The following ZRANB3 variants were observed in gnomAD, a reference collection of about 807,000 sequenced individuals.
The protein encoded by ZRANB3 is zinc finger RANBP2-type containing 3, also known as DNA annealing helicase and endonuclease ZRANB3.
ZRANB3 carries 125 observed loss-of-function variants against 133.8 expected under a neutral mutation model. The observed-to-expected ratio is 0.93, with a 90% confidence interval of 0.81 to 1.08. The LOEUF (loss-of-function observed/expected upper bound fraction) is 1.08, where lower values mean the gene tolerates loss of function less well. ZRANB3 is among the 50% of genes least tolerant of loss of function. ZRANB3 has a pLI of 0.00. For missense variants in ZRANB3, 1,229 were observed against 1,275.5 expected, an observed-to-expected ratio of 0.96 and a Z score of 0.56; for synonymous variants, 387 against 432.7, an observed-to-expected ratio of 0.89 and a Z score of 1.31.
At chr2:135,458,978 A>G (rs1690646836) in intron 2 of ZRANB3, among the ~76,000 whole-genome samples, 1 of 152,146 alleles carries the variant, frequency 6.6e-6, no homozygotes, top group South Asian at 2.1e-4. Flanking sequence ...CTAAAACAAG[A>G]ACCCAGGTCT....
intron 20 of ZRANB3, among the ~76,000 whole-genome samples, chr2:135,200,739 C>T (rs1199296738): frequency 6.6e-6 from 1 of 150,710 alleles, no homozygotes; most frequent in Non-Finnish European, 1.5e-5. Flanking sequence ...CTGATTCTCC[C>T]ATCCAAGTGG....
chr2:135,277,601 T>A (rs1348021330), intron 8 of ZRANB3, among the ~76,000 whole-genome samples: 1 of 152,134 alleles, frequency 6.6e-6, no homozygotes, highest in Non-Finnish European at 1.5e-5. Context: ...GTTATTAAGC[T>A]AAGGAAATCT....
intron 8 of ZRANB3, among the ~76,000 whole-genome samples, chr2:135,283,534 C>A (rs969000368): frequency 6.7e-6 from 1 of 149,386 alleles, no homozygotes; most frequent in Non-Finnish European, 1.5e-5. Flanking sequence ...CACTTGAAGC[C>A]GGGAGGTAGA....
chr2:135,325,977 T>C (rs1026541249), intron 6 of ZRANB3, among the ~76,000 whole-genome samples: 2 of 152,102 alleles, frequency 1.3e-5, no homozygotes, highest in Non-Finnish European at 2.9e-5. Context: ...ACAAAAACAA[T>C]TTAGATTCTT....
intron 1 of ZRANB3, chr2:135,511,662 C>T (rs1350623195): frequency 2.6e-6 from 2 of 769,178 alleles, no homozygotes; most frequent in African/African-American, 3.4e-5. Flanking sequence ...GAAGCCCCAA[C>T]ACCTGGACTA....
chr2:135,395,366 T>C (rs1687441606), intron 2 of ZRANB3, among the ~76,000 whole-genome samples: 1 of 150,214 alleles, frequency 6.7e-6, no homozygotes, highest in Non-Finnish European at 1.5e-5. Flanking sequence ...GACTTAAATC[T>C]AAGACCTCAA....
At chr2:135,491,831 A>G (rs945174805) in intron 2 of ZRANB3, among the ~76,000 whole-genome samples, 1 of 152,172 alleles carries the variant, frequency 6.6e-6, no homozygotes, top group Non-Finnish European at 1.5e-5. Context: ...GTATTTTTAT[A>G]AATGAAAAGT....
intron 1 of ZRANB3, among the ~76,000 whole-genome samples, chr2:135,507,736 C>T (rs1693256582): frequency 6.6e-6 from 1 of 150,788 alleles, no homozygotes; most frequent in African/African-American, 2.4e-5. Flanking sequence ...GGCAGAATAG[C>T]TTGAGGTCAG....
At chr2:135,435,085 A>G (rs544985942) in intron 2 of ZRANB3, among the ~76,000 whole-genome samples, 2 of 152,034 alleles carry the variant, frequency 1.3e-5, no homozygotes, top group South Asian at 4.2e-4. Flanking sequence ...TTATTTCATA[A>G]CCCACATATT....
chr2:135,215,068 C>A (rs1259590167), intron 17 of ZRANB3, among the ~76,000 whole-genome samples: 2 of 152,022 alleles, frequency 1.3e-5, no homozygotes, highest in African/African-American at 2.4e-5. Context: ...TGGGCGTGAG[C>A]CACCATACCT....
chr2:135,463,513 GT>G (rs1690852652), intron 2 of ZRANB3, among the ~76,000 whole-genome samples: 1 of 151,914 alleles, frequency 6.6e-6, no homozygotes, highest in Non-Finnish European at 1.5e-5. Flanking sequence ...CGCCTCCCAG[GT>G]TCAAGCAATT....
At position 135,405,466 on chromosome 2, in the gene ZRANB3, G is replaced by A. The variant is rs77017004; in HGVS notation, c.162-14646C>T. Among the ~76,000 whole-genome samples, 465 of 152,160 alleles carry A rather than the reference G, an allele frequency of 3.1e-3. 3 individuals carry two copies. The highest frequency in any genetic ancestry group is 0.01 in the African/African-American group (425 of 41,512). On this transcript the variant is annotated intron_variant, in intron 2 of 20. Coordinates refer to ENST00000264159, the MANE Select transcript of ZRANB3 (RefSeq NM_032143.4). ...AATTAAATACAGCTCTGCACCAAGC[G>A]GACCTAATAGACATCTACAGAACTC...
At chr2:135,267,270 G>A (rs1434927130) in intron 11 of ZRANB3, among the ~76,000 whole-genome samples, 1 of 152,132 alleles carries the variant, frequency 6.6e-6, no homozygotes, top group Admixed American at 6.5e-5. Flanking sequence ...GTGGGTACCT[G>A]CGGAGTTCTG....
Position 135,230,528 on chromosome 2 carries a change from G to A in ZRANB3, c.1939C>T (p.Pro647Ser), listed in dbSNP as rs765488430. The A allele has an allele frequency of 3.2e-6, 5 of 1,539,770 alleles. No individual in the cohort carries two copies. The highest frequency in any genetic ancestry group is 3.5e-6 in the Non-Finnish European group (4 of 1,146,834). Residue 647 changes from proline to serine, a missense_variant, in exon 13 of 21, where the codon CCT (proline) becomes TCT (serine). Coordinates refer to ENST00000264159, the MANE Select transcript of ZRANB3 (RefSeq NM_032143.4). ...ELPYCEMCET[P>S]QGSAVMQIDS... is the part of the protein sequence containing the mutation. Reference sequence around the variant, plus strand: ...ATATACTCACCAGCACTGCCTTGAGGAGTCTCACACATTTCACAATAAGGT... The same window carrying A: ...ATATACTCACCAGCACTGCCTTGAGAAGTCTCACACATTTCACAATAAGGT...
At chr2:135,510,857 ATT>A in intron 1 of ZRANB3, 1 of 1,130,234 alleles carries the variant, frequency 8.8e-7, no homozygotes, top group East Asian at 2.3e-5. Context: ...CGTTCCCATA[ATT>A]TTGAAAGAAA....
intron 2 of ZRANB3, among the ~76,000 whole-genome samples, chr2:135,453,615 G>A (rs978562896): frequency 7.9e-5 from 12 of 152,202 alleles, no homozygotes; most frequent in South Asian, 2.1e-4. Context: ...GCAAAGTGCC[G>A]TCAGTCTCTT....
chr2:135,331,110 A>C (rs995083330), intron 6 of ZRANB3, among the ~76,000 whole-genome samples: 3 of 151,904 alleles, frequency 2.0e-5, no homozygotes, highest in Non-Finnish European at 4.4e-5. Flanking sequence ...CTAGCTTTTG[A>C]ATGTGTTTGC....
intron 8 of ZRANB3, among the ~76,000 whole-genome samples, chr2:135,297,857 T>G (rs1682222654): frequency 1.3e-5 from 2 of 152,246 alleles, no homozygotes; most frequent in Admixed American, 1.3e-4. Context: ...GTTTCTTTTA[T>G]TTCCAGAAGT....
intron 8 of ZRANB3, among the ~76,000 whole-genome samples, chr2:135,310,732 T>C (rs1682929903): frequency 6.6e-6 from 1 of 152,060 alleles, no homozygotes; most frequent in South Asian, 2.1e-4. Flanking sequence ...ATACCAATTA[T>C]TTCTCCTACT....
Sources: gnomAD v4.1 joint callset for allele counts (sites outside exome capture counted in the v4.1 genomes callset) on GRCh38, gnomAD v4.1.1 for gene constraint, MANE v1.5 for transcripts, NCBI Gene and HGNC (gene_info 2026-07-23, HGNC 2026-07-21) for gene names.